AGL: variants seen among roughly 807,000 people sequenced by gnomAD.
AGL encodes the protein glycogen debranching enzyme.
Under a neutral mutation model 199.3 loss-of-function variants are expected in AGL, and 128 were observed. The ratio of observed to expected loss-of-function variants is 0.64; its 90% CI spans 0.56 to 0.74. The LOEUF is 0.74. Ranked by LOEUF, AGL falls within the 30% of genes least tolerant of loss-of-function variation. AGL has a pLI of 0.00. For synonymous variants in AGL, 584 were observed against 594.7 expected (o/e 0.98, Z 0.26); for missense variants, 1,809 against 1,820.8 (o/e 0.99, Z 0.12).
chr1:99,873,791 G>C (rs1651231490), intron 7 of AGL, among the ~76,000 whole-genome samples: 1 of 152,120 alleles, frequency 6.6e-6, no homozygotes, highest in Non-Finnish European at 1.5e-5. Context: ...TTTAAGAATT[G>C]ATTTGTATTT....
At chr1:99,908,700 C>T (rs566482681) in intron 27 of AGL, among the ~76,000 whole-genome samples, 251 of 152,206 alleles carry the variant, frequency 1.6e-3, no homozygotes, top group Non-Finnish European at 2.7e-3. Flanking sequence ...AGTAGTTTTT[C>T]GTGTTTTCCT....
intron 17 of AGL, among the ~76,000 whole-genome samples, chr1:99,883,682 C>A (rs571716334): frequency 1.9e-4 from 29 of 152,138 alleles, no homozygotes; most frequent in African/African-American, 6.7e-4. Flanking sequence ...GTAGTGAGCA[C>A]CAAACTGAAT....
chr1:99,874,990 CTA>C (rs1651388809), intron 8 of AGL, among the ~76,000 whole-genome samples, 162 bp from the exon 9 acceptor site: 1 of 152,104 alleles, frequency 6.6e-6, no homozygotes, highest in African/African-American at 2.4e-5. Context: ...GGCCATGTTT[CTA>C]TATGTGTATA....
chr1:99,886,296 T>A lies in AGL; in HGVS notation c.2681+1593T>A, dbSNP rs556080628. Among the ~76,000 whole-genome samples the A allele has an allele frequency of 6.3e-4, 96 of 152,118 alleles. 1 individual carries two copies. The highest frequency in any genetic ancestry group is 2.7e-3 in the East Asian group (14 of 5,162). ...TCCAAGACCAGCCTGGGCAACATAG[T>A]GAGACCCTATCTCTACAAAACGTTT... On this transcript the variant is annotated intron_variant, in intron 20 of 33. Transcript: ENST00000361915.
rs1442916820 is a variant in AGL, at chr1:99,916,699, T to G, written c.4449T>G (p.Asn1483Lys). ...TTAKTIVLVK[N>K]VLSRHYVHLE... ...CAAAGACTATAGTTTTGGTTAAAAATGTTCTTTCCCGACATTATGTTCATC... is the reference window on the plus strand; with the variant it reads ...CAAAGACTATAGTTTTGGTTAAAAAGGTTCTTTCCCGACATTATGTTCATC... Residue 1483 changes from asparagine to lysine, a missense_variant, in exon 33 of 34, where the codon AAT becomes AAG. Coordinates refer to ENST00000361915, the MANE Select transcript of AGL (RefSeq NM_000642.3). 6.2e-7 allele frequency: 1 copy of G among 1,613,450 alleles called. No homozygotes were observed. Among genetic ancestry groups the G allele is most frequent in the Admixed American group, 1.7e-5 (1 of 59,912 alleles).
intron 2 of AGL, among the ~76,000 whole-genome samples, chr1:99,856,663 C>T (rs1269246913): frequency 2.6e-5 from 4 of 151,938 alleles, no homozygotes; most frequent in African/African-American, 7.3e-5. Flanking sequence ...AGCATGCTGC[C>T]TCCAAGCATC....
chr1:99,900,882 G>GTTT (rs547290311), intron 26 of AGL, 21 bp downstream of exon 26: 3 of 1,270,258 alleles, frequency 2.4e-6, no homozygotes, highest in Non-Finnish European at 2.2e-6. Context: ...TTCTTAAAAT[G>GTTT]TTTTTTTGTT....
intron 27 of AGL, among the ~76,000 whole-genome samples, 180 bp downstream of exon 27, chr1:99,902,974 T>C (rs1156645360): frequency 2.0e-5 from 3 of 152,342 alleles, no homozygotes; most frequent in African/African-American, 7.2e-5. Flanking sequence ...TTTTATATCT[T>C]TTGTCAGCCA....
chr1:99,919,969 C>T (rs1338713159), intron 33 of AGL, among the ~76,000 whole-genome samples: 1 of 152,166 alleles, frequency 6.6e-6, no homozygotes, highest in Non-Finnish European at 1.5e-5. Context: ...TTTCTGGTCA[C>T]CTACCTTGCT....
chr1:99,849,312 G>A (rs1171463511), upstream of AGL, among the ~76,000 whole-genome samples: 4 of 151,796 alleles, frequency 2.6e-5, no homozygotes, highest in Non-Finnish European at 5.9e-5. Context: ...AAGAATGCAA[G>A]AATCTTCTCC....
intron 2 of AGL, among the ~76,000 whole-genome samples, chr1:99,854,300 A>G (rs761418366): frequency 8.5e-5 from 13 of 152,254 alleles, no homozygotes; most frequent in Middle Eastern, 3.2e-3. Context: ...TAAAACTAGC[A>G]AAAATTGTAA....
intron 12 of AGL, among the ~76,000 whole-genome samples, chr1:99,879,336 C>T (rs1651819214): frequency 6.6e-6 from 1 of 151,570 alleles, no homozygotes; most frequent in Non-Finnish European, 1.5e-5. Context: ...CCTGTAATCC[C>T]AACACTTTTA....
intron 4 of AGL, 69 bp downstream of exon 4, chr1:99,862,492 T>G (rs1289588551): frequency 1.3e-6 from 2 of 1,555,344 alleles, no homozygotes; most frequent in Non-Finnish European, 1.8e-6. Context: ...GATATAGATT[T>G]CAAAAGTTTT....
rs2100869451 is a variant in AGL, at chr1:99,915,506, T to C, written c.4259+20T>C. The stretch of plus-strand genomic sequence containing the variant: ...TCCAGAGTAAGTTGGAATATAAGTA[T>C]TAAGAATGTTATCATATTTAATCCA... On this transcript the variant is annotated intron_variant, in intron 31 of 33. Coordinates refer to ENST00000361915, the MANE Select transcript of AGL (RefSeq NM_000642.3). The C allele has an allele frequency of 6.4e-7, 1 of 1,566,724 alleles. No individual in the cohort carries two copies. The highest frequency in any genetic ancestry group is 8.8e-7 in the Non-Finnish European group (1 of 1,137,300).
chr1:99,851,833 T>C (rs1213525477), intron 2 of AGL, among the ~76,000 whole-genome samples: 2 of 152,238 alleles, frequency 1.3e-5, no homozygotes, highest in Non-Finnish European at 2.9e-5. Flanking sequence ...CAAATGGATG[T>C]TGCTAGTCAT....
intron 20 of AGL, among the ~76,000 whole-genome samples, chr1:99,885,915 C>G (rs1303560300): frequency 6.6e-6 from 1 of 152,108 alleles, no homozygotes; most frequent in Non-Finnish European, 1.5e-5. Flanking sequence ...CACCCCCAGT[C>G]TGTGAAAAAA....
intron 5 of AGL, among the ~76,000 whole-genome samples, chr1:99,867,904 C>T (rs1650663036): frequency 6.6e-6 from 1 of 152,174 alleles, no homozygotes; most frequent in Non-Finnish European, 1.5e-5. Flanking sequence ...GCAGAGCTGA[C>T]ATCCTTTCCC....
At chr1:99,907,582 G>A (rs1041958529) in intron 27 of AGL, among the ~76,000 whole-genome samples, 1 of 151,914 alleles carries the variant, frequency 6.6e-6, no homozygotes, top group African/African-American at 2.4e-5. Flanking sequence ...TAGTAAACAG[G>A]CTTCCATTCA....
chr1:99,874,525 A>G (rs976742060), intron 7 of AGL, 162 bp from the exon 8 acceptor site: 1 of 697,398 alleles, frequency 1.4e-6, no homozygotes. Context: ...ACACACGTGC[A>G]CACAGCAGGA....
Sources: gnomAD v4.1 joint callset for allele counts (sites outside exome capture counted in the v4.1 genomes callset) on GRCh38, gnomAD v4.1.1 for gene constraint, MANE v1.5 for transcripts, NCBI Gene and HGNC (gene_info 2026-07-23, HGNC 2026-07-21) for gene names.